NRXN1: variants seen among roughly 807,000 people sequenced by gnomAD.
The protein encoded by NRXN1 is neurexin-1.
A neutral mutation model predicts 150.9 loss-of-function variants in NRXN1; 39 were observed. The ratio of observed to expected loss-of-function variants is 0.26; its 90% CI spans 0.20 to 0.34. NRXN1 has a LOEUF of 0.34. NRXN1 is among the 10% of genes least tolerant of loss of function. The probability of loss-of-function intolerance (pLI) is 1.00; values close to 1 mark genes in which losing one functional copy is unlikely to be tolerated. For missense variants in NRXN1, 1,815 were observed against 1,949.9 expected, an observed-to-expected ratio of 0.93 and a Z score of 1.30; for synonymous variants, 924 against 757.0, an observed-to-expected ratio of 1.22 and a Z score of -3.62.
At chr2:50,461,153 G>C (rs1206395942) in intron 17 of NRXN1, among the ~76,000 whole-genome samples, 1 of 152,002 alleles carries the variant, frequency 6.6e-6, no homozygotes, top group African/African-American at 2.4e-5. Context: ...ATGGTAAAAA[G>C]TCACAGGGAA....
intron 18 of NRXN1, among the ~76,000 whole-genome samples, chr2:50,170,761 GTGT>G (rs2059981820): frequency 2.7e-5 from 2 of 74,854 alleles, no homozygotes; most frequent in East Asian, 5.7e-4. Flanking sequence ...TCTGTCGTGT[GTGT>G]GTGTGTGTGT....
chr2:50,180,931 G>A (rs1008861355), intron 18 of NRXN1, among the ~76,000 whole-genome samples: 6 of 152,028 alleles, frequency 3.9e-5, no homozygotes, highest in Admixed American at 6.6e-5. Flanking sequence ...ATTGACAGGT[G>A]TTCAAAACAG....
At chr2:50,171,039 T>C (rs1469556217) in intron 18 of NRXN1, among the ~76,000 whole-genome samples, 1 of 152,142 alleles carries the variant, frequency 6.6e-6, no homozygotes, top group Non-Finnish European at 1.5e-5. Context: ...TAGAAAATCA[T>C]AAAGAAAATA....
intron 17 of NRXN1, among the ~76,000 whole-genome samples, chr2:50,404,770 C>T (rs1223252131): frequency 6.6e-6 from 1 of 152,020 alleles, no homozygotes; most frequent in Non-Finnish European, 1.5e-5. Context: ...AGGAAAAAGG[C>T]CTGGAGGGGG....
intron 18 of NRXN1, among the ~76,000 whole-genome samples, chr2:50,212,960 C>G (rs781670170): frequency 1.1e-4 from 16 of 151,900 alleles, no homozygotes; most frequent in Non-Finnish European, 2.2e-4. Flanking sequence ...ATGGGAAACA[C>G]TCATTAAAGT....
intron 2 of NRXN1, chr2:51,009,099 CT>C (rs2105170833): frequency 6.6e-6 from 1 of 151,954 alleles, no homozygotes; most frequent in African/African-American, 2.4e-5. Flanking sequence ...TGAATAAACT[CT>C]TGTTACTTAA....
chr2:50,596,929 C>T (rs561102546), intron 8 of NRXN1, among the ~76,000 whole-genome samples: 10 of 136,904 alleles, frequency 7.3e-5, no homozygotes, highest in East Asian at 2.2e-4. Flanking sequence ...TACTGTGGCA[C>T]GATCACAGTG....
intron 5 of NRXN1, among the ~76,000 whole-genome samples, chr2:50,695,822 C>A (rs1018524032): frequency 6.6e-6 from 1 of 150,668 alleles, no homozygotes; most frequent in African/African-American, 2.4e-5. Context: ...GGGAAATAAG[C>A]CTAACCAGAG....
At chr2:50,497,010 T>C (rs1457350413) in intron 14 of NRXN1, among the ~76,000 whole-genome samples, 1 of 152,182 alleles carries the variant, frequency 6.6e-6, no homozygotes, top group Admixed American at 6.5e-5. Flanking sequence ...CAAACCTGTA[T>C]CAATGCTTTT....
chr2:50,506,775 CAG>C (rs1391474437), intron 12 of NRXN1, 158 bp from the exon 13 acceptor site: 2 of 753,516 alleles, frequency 2.7e-6, no homozygotes, highest in Non-Finnish European at 4.1e-6. Flanking sequence ...AGAAAGGAAA[CAG>C]AGAAGAGGCG....
At chr2:50,260,323 G>T (rs550714248) in intron 17 of NRXN1, among the ~76,000 whole-genome samples, 3 of 151,772 alleles carry the variant, frequency 2.0e-5, no homozygotes, top group African/African-American at 7.2e-5. Flanking sequence ...ATATTTCCTA[G>T]AAAATTGTCA....
chr2:50,745,901 G>A (rs1239646860), intron 5 of NRXN1, among the ~76,000 whole-genome samples: 3 of 152,176 alleles, frequency 2.0e-5, no homozygotes, highest in Non-Finnish European at 4.4e-5. Context: ...TGAAATTTGG[G>A]TGGGGACATA....
chr2:50,849,546 A>G (rs1656445607), intron 5 of NRXN1, among the ~76,000 whole-genome samples: 2 of 152,194 alleles, frequency 1.3e-5, no homozygotes, highest in Non-Finnish European at 2.9e-5. Context: ...TAAGTTTTCT[A>G]ATACTTTTCC....
intron 18 of NRXN1, among the ~76,000 whole-genome samples, chr2:50,107,539 A>ATATATATATATATAT (rs59921941): frequency 1.8e-4 from 24 of 129,874 alleles, no homozygotes; most frequent in South Asian, 1.3e-3. Flanking sequence ...ATATATATAT[A>ATATATATATATATAT]TTTTTTTTTT....
At chr2:50,929,617 T>A (rs10490167) in intron 2 of NRXN1, among the ~76,000 whole-genome samples, 39,760 of 151,914 alleles carry the variant, frequency 0.26, 5,841 homozygotes, top group Non-Finnish European at 0.34. Flanking sequence ...GTATGGCATA[T>A]TACAGCAAAA....
chr2:50,186,234 C>G (rs1321343722), intron 18 of NRXN1, among the ~76,000 whole-genome samples: 17 of 151,970 alleles, frequency 1.1e-4, no homozygotes, highest in Admixed American at 1.1e-3. Context: ...TAAATGTATA[C>G]TACGCTCAAC....
In NRXN1 at chr2:50,938,261, T is replaced by C. The variant is rs149395433; in HGVS notation, c.773-12306A>G. ...ACACTAAATTTATAAAAAATGAAAA[T>C]TAAGGTATGTGTGCTCGATGGCTAT... On this transcript the variant is annotated intron_variant, in intron 2 of 22. Transcript: ENST00000401669. 3.5e-4 allele frequency among the ~76,000 whole-genome samples: 54 copies of C among 152,178 alleles called. No individual in the cohort carries two copies. The East Asian group carries it at 8.5e-3, about 24-fold the overall frequency.
At chr2:50,951,435 A>T (rs1691320016) in intron 2 of NRXN1, among the ~76,000 whole-genome samples, 1 of 152,188 alleles carries the variant, frequency 6.6e-6, no homozygotes, top group South Asian at 2.1e-4. Flanking sequence ...CTTGTGTATA[A>T]TTATCTGAGC....
intron 17 of NRXN1, among the ~76,000 whole-genome samples, chr2:50,329,666 T>C (rs2076690698): frequency 3.9e-5 from 1 of 25,490 alleles, no homozygotes; most frequent in Non-Finnish European, 6.1e-5. Flanking sequence ...TATATATATA[T>C]ATATATATTT....
Sources: gnomAD v4.1 joint callset for allele counts (sites outside exome capture counted in the v4.1 genomes callset) on GRCh38, gnomAD v4.1.1 for gene constraint, MANE v1.5 for transcripts, NCBI Gene and HGNC (gene_info 2026-07-23, HGNC 2026-07-21) for gene names.